AR: variants seen among roughly 807,000 people sequenced by gnomAD.
AR encodes androgen receptor, also known as dihydrotestosterone receptor.
A neutral mutation model predicts 53.9 loss-of-function variants in AR; 8 were observed. The ratio of observed to expected loss-of-function variants is 0.15; its 90% CI spans 0.09 to 0.27. AR has a LOEUF of 0.27. AR is among the 10% of genes least tolerant of loss of function. The pLI is 1.00. For missense variants in AR, 639 were observed against 742.5 expected, an observed-to-expected ratio of 0.86 and a Z score of 1.62; for synonymous variants, 359 against 316.4, an observed-to-expected ratio of 1.13 and a Z score of -1.43.
At chrX:67,681,082 GT>G (rs1161183146) in intron 2 of AR, 2 of 149,317 alleles carry the variant, frequency 1.3e-5, no homozygotes, top group Non-Finnish European at 2.6e-5. Flanking sequence ...GCTCTAGAGT[GT>G]GGCCTTACCT....
intron 1 of AR, among the ~76,000 whole-genome samples, chrX:67,632,692 C>G (rs1385418935): frequency 8.9e-6 from 1 of 112,319 alleles, no homozygotes; most frequent in African/African-American, 3.2e-5. Context: ...TGGACTTCAT[C>G]AAATTTGAAA....
intron 2 of AR, among the ~76,000 whole-genome samples, chrX:67,661,165 A>T (rs1431145141): frequency 1.8e-5 from 2 of 111,527 alleles, no homozygotes; most frequent in Non-Finnish European, 3.8e-5. Context: ...GCAAACAGAG[A>T]CAATTTGACT....
intron 2 of AR, among the ~76,000 whole-genome samples, chrX:67,673,272 T>A (rs781776026): frequency 3.6e-5 from 4 of 110,421 alleles, no homozygotes; most frequent in Non-Finnish European, 5.7e-5. Flanking sequence ...CTTCGTGTTC[T>A]TGTACTTGGA....
At chrX:67,642,665 C>T (rs938854592) in intron 1 of AR, among the ~76,000 whole-genome samples, 1 of 111,570 alleles carries the variant, frequency 9.0e-6, no homozygotes, top group African/African-American at 3.3e-5. Context: ...AAAAAAAGAA[C>T]AAGACTTTTA....
chrX:67,611,573 C>G (rs1405503986), intron 1 of AR, among the ~76,000 whole-genome samples: 1 of 111,143 alleles, frequency 9.0e-6, no homozygotes, highest in East Asian at 2.8e-4. Flanking sequence ...TTAAATTCAT[C>G]ATTGTTTTTT....
At chrX:67,648,541 A>G (rs1181072622) in intron 2 of AR, among the ~76,000 whole-genome samples, 1 of 111,426 alleles carries the variant, frequency 9.0e-6, no homozygotes, top group Non-Finnish European at 1.9e-5. Flanking sequence ...CACCGGCTTA[A>G]TTCTGGGCCT....
intron 3 of AR, among the ~76,000 whole-genome samples, chrX:67,703,801 CA>C (rs2076053184): frequency 9.0e-6 from 1 of 111,104 alleles, no homozygotes; most frequent in East Asian, 2.8e-4. Context: ...CACCCTTCCC[CA>C]ACCCCACAAC....
chrX:67,721,966 A>G lies in AR; in HGVS notation c.2449+3A>G, dbSNP rs1448886033. ...AGCACTGCTACTCTTCAGCATTAGT[A>G]AGTGCCTAGAAGTGCAGGGAATGCC... On this transcript the variant is annotated splice_donor_region_variant and intron_variant, in intron 6 of 7. Transcript: ENST00000374690. 1.7e-6 allele frequency: 2 copies of G among 1,208,578 alleles called. No homozygotes were observed. The highest frequency in any genetic ancestry group is 3.5e-5 in the African/African-American group (2 of 56,965).
chrX:67,573,914 T>C (rs1921936318), intron 1 of AR, among the ~76,000 whole-genome samples: 2 of 112,241 alleles, frequency 1.8e-5, no homozygotes, highest in South Asian at 7.3e-4. Context: ...AAATAGTTTA[T>C]TGCAGCACCA....
At position 67,724,678 on chromosome X, in the gene AR, G is replaced by A; in HGVS notation, c.*837G>A. The A allele has an allele frequency of 5.7e-6, 1 of 175,651 alleles. No individual in the cohort carries two copies. The highest frequency in any genetic ancestry group is 1.1e-5 in the Non-Finnish European group (1 of 91,759). 14.5% of individuals were successfully genotyped at this position (175,651 alleles called of 1,213,427 possible). The stretch of plus-strand genomic sequence containing the variant: ...GAGCAATTCATTATACTGAAAATGT[G>A]CTTGTTGTTGAAAATTTGTCTGCAT... On this transcript the variant is annotated 3_prime_UTR_variant, in exon 8 of 8. Transcript: ENST00000374690.
At chrX:67,672,220 G>A (rs1051783396) in intron 2 of AR, among the ~76,000 whole-genome samples, 4 of 111,356 alleles carry the variant, frequency 3.6e-5, no homozygotes, top group African/African-American at 1.3e-4. Context: ...TACAGTATTT[G>A]GTTTTCCATT....
chrX:67,691,661 T>C (rs1602259288), intron 3 of AR, among the ~76,000 whole-genome samples: 2 of 112,151 alleles, frequency 1.8e-5, no homozygotes, highest in East Asian at 5.7e-4. Context: ...AGAATACCTA[T>C]ACCTCTAGCT....
At chrX:67,710,719 G>A (rs558267848) in intron 3 of AR, among the ~76,000 whole-genome samples, 3 of 111,457 alleles carry the variant, frequency 2.7e-5, no homozygotes, top group African/African-American at 6.5e-5. Context: ...TCCCATATAT[G>A]CAACATATGT....
intron 1 of AR, among the ~76,000 whole-genome samples, chrX:67,576,142 G>C (rs1393427574): frequency 9.0e-6 from 1 of 111,145 alleles, no homozygotes; most frequent in Non-Finnish European, 1.9e-5. Flanking sequence ...TCTTTCATTA[G>C]AAAGATACAT....
At chrX:67,723,610 C>T (rs2147539659) in intron 7 of AR, 76 bp from the exon 8 acceptor site, 1 of 1,136,328 alleles carries the variant, frequency 8.8e-7, no homozygotes, top group Non-Finnish European at 1.2e-6. Context: ...GACCAAAAAT[C>T]AGAGGTTGGG....
Position 67,592,972 on chromosome X carries a change from A to C in AR, c.1616+46210A>C, listed in dbSNP as rs780415860. ...AAAAAACAAGTAAAATAGTGCCAAG[A>C]ATATTATCTAACTAACCCCAAAGTC... is the stretch of plus-strand genomic sequence containing the variant. On this transcript the variant is annotated intron_variant, in intron 1 of 7. Coordinates refer to ENST00000374690, the MANE Select transcript of AR (RefSeq NM_000044.6). 2.7e-5 allele frequency among the ~76,000 whole-genome samples: 3 copies of C among 112,049 alleles called. No individual in the cohort carries two copies. The East Asian group carries it at 8.5e-4, about 32-fold the overall frequency.
chrX:67,603,319 C>T (rs971961951), intron 1 of AR, among the ~76,000 whole-genome samples: 4 of 111,493 alleles, frequency 3.6e-5, no homozygotes, highest in Non-Finnish European at 5.7e-5. Context: ...GGTGTCTGAC[C>T]TCAAGTGTCT....
intron 2 of AR, among the ~76,000 whole-genome samples, chrX:67,653,375 G>A (rs1926437973): frequency 9.0e-6 from 1 of 111,651 alleles, no homozygotes; most frequent in Admixed American, 9.6e-5. Flanking sequence ...ATAATCCCCT[G>A]AGCAGACAGT....
chrX:67,670,520 T>A (rs1044863238), intron 2 of AR, among the ~76,000 whole-genome samples: 1 of 106,486 alleles, frequency 9.4e-6, no homozygotes, highest in Admixed American at 1.0e-4. Context: ...TACTAATATA[T>A]TATATATATA....
Sources: gnomAD v4.1 joint callset for allele counts (sites outside exome capture counted in the v4.1 genomes callset) on GRCh38, gnomAD v4.1.1 for gene constraint, MANE v1.5 for transcripts, NCBI Gene and HGNC (gene_info 2026-07-23, HGNC 2026-07-21) for gene names.